DDX21: variants seen among roughly 807,000 people sequenced by gnomAD.
DDX21 encodes the protein DExD-box helicase 21, also known as nucleolar RNA helicase 2.
Under a neutral mutation model 90.0 loss-of-function variants are expected in DDX21, and 18 were observed. The ratio of observed to expected loss-of-function variants is 0.20; its 90% CI spans 0.14 to 0.30. The LOEUF is 0.30. DDX21 is among the 10% of genes least tolerant of loss of function. The pLI, the probability that DDX21 is intolerant of heterozygous loss-of-function variation, is 1.00. For synonymous variants in DDX21, 294 were observed against 318.0 expected, an observed-to-expected ratio of 0.92 and a Z score of 0.80; for missense variants, 673 against 944.5, an observed-to-expected ratio of 0.71 and a Z score of 3.77.
intron 2 of DDX21, among the ~76,000 whole-genome samples, chr10:68,961,770 T>C (rs1270658247): frequency 1.3e-5 from 2 of 152,230 alleles, no homozygotes; most frequent in Non-Finnish European, 2.9e-5. Context: ...TTGTTGATTA[T>C]GGTTATGGAG....
chr10:68,962,552 G>C (rs543972409), intron 3 of DDX21, among the ~76,000 whole-genome samples: 2 of 152,242 alleles, frequency 1.3e-5, no homozygotes, highest in South Asian at 2.1e-4. Flanking sequence ...GGAGTTCAAG[G>C]CTTCAGTGAA....
intron 12 of DDX21, among the ~76,000 whole-genome samples, chr10:68,978,386 A>G (rs1843137251): frequency 6.6e-6 from 1 of 152,222 alleles, no homozygotes; most frequent in Non-Finnish European, 1.5e-5. Flanking sequence ...ATTTTGTGGT[A>G]TGTGATTTTT....
At chr10:68,980,832 C>CAAAAAAAAAAAAA (rs11340675) in intron 13 of DDX21, among the ~76,000 whole-genome samples, 1 of 99,646 alleles carries the variant, frequency 1.0e-5, no homozygotes, top group African/African-American at 3.5e-5. Context: ...CTGTCTCTAC[C>CAAAAAAAAAAAAA]AAAAAAAAAA....
At chr10:68,975,300 A>C (rs968456288) in intron 11 of DDX21, among the ~76,000 whole-genome samples, 1 of 152,144 alleles carries the variant, frequency 6.6e-6, no homozygotes, top group Non-Finnish European at 1.5e-5. Flanking sequence ...CAGTTTGTCA[A>C]ATGGAGGTGC....
At chr10:68,967,759 T>G (rs1353324214) in intron 6 of DDX21, among the ~76,000 whole-genome samples, 1 of 152,224 alleles carries the variant, frequency 6.6e-6, no homozygotes, top group Non-Finnish European at 1.5e-5. Flanking sequence ...CATATAAAAA[T>G]TCAGCAAAAA....
intron 2 of DDX21, among the ~76,000 whole-genome samples, chr10:68,961,504 G>T (rs1436854159): frequency 6.6e-6 from 1 of 152,072 alleles, no homozygotes; most frequent in Non-Finnish European, 1.5e-5. Context: ...ATCAGATTAG[G>T]ATTGTACTGT....
chr10:68,964,003 G>C, intron 4 of DDX21: 1 of 263,648 alleles, frequency 3.8e-6, no homozygotes, highest in Admixed American at 4.8e-5. Context: ...GGGAGGCTGA[G>C]GCAGGAGAAT....
intron 9 of DDX21, 104 bp downstream of exon 9, chr10:68,972,156 C>A: frequency 7.7e-7 from 1 of 1,297,550 alleles, no homozygotes; most frequent in Non-Finnish European, 1.1e-6. Context: ...ATATAGCTAT[C>A]TTTTGAGTGC....
chr10:68,964,741 C>T (rs544927062), intron 4 of DDX21, among the ~76,000 whole-genome samples: 1 of 144,360 alleles, frequency 6.9e-6, no homozygotes. Flanking sequence ...TTAACCTCTG[C>T]CTCGCAGGTT....
At chr10:68,978,795 G>T (rs781090500) in intron 12 of DDX21, 47 bp from the exon 13 acceptor site, 145 of 1,575,174 alleles carry the variant, frequency 9.2e-5, no homozygotes, top group Non-Finnish European at 1.2e-4. Context: ...TATCAATTAG[G>T]TTTATTTTCA....
rs61755356 is a variant in DDX21 at position 68,982,702 on chromosome 10, C to T, written c.2242C>T (p.Arg748Trp). 2.4e-4 allele frequency: 388 copies of T among 1,613,800 alleles called. 1 individual carries two copies. The highest frequency in any genetic ancestry group is 3.6e-4 in the South Asian group (33 of 91,064). The change falls in exon 15 of 15, where the codon CGG becomes TGG. Residue 748 changes from arginine to tryptophan, a missense_variant. Arg to Trp is a moderately radical substitution (Grantham distance 101, BLOSUM62 -3). Transcript: ENST00000354185. ...CGGAAACAGAAGATTCAGAGGACAG[C>T]GGGAAGGCAGTAGAGGCCCGAGAGG... ...RDGNRRFRGQ[R>W]EGSRGPRGQR... is the part of the protein sequence containing the mutation.
Position 68,965,390 on chromosome 10 carries a change from C to A in DDX21, c.800C>A (p.Ala267Glu), listed in dbSNP as rs1842926556. The change falls in exon 5 of 15, where the codon GCA (alanine) becomes GAA (glutamate). Residue 267 changes from alanine to glutamate, a missense_variant. Ala to Glu is a moderately radical substitution (Grantham distance 107, BLOSUM62 -1). Transcript: ENST00000354185. ...TTTCTTTATCAGGTACTGGTTCTTG[C>A]ACCTACAAGAGAGTTGGCAAATCAA... ...RGRAPQVLVLAPTRELANQVS... is the reference protein window; with the variant it reads ...RGRAPQVLVLEPTRELANQVS... 6.2e-7 allele frequency: 1 copy of A among 1,613,400 alleles called. No individual in the cohort carries two copies. Among genetic ancestry groups the A allele is most frequent in the Non-Finnish European group, 8.5e-7 (1 of 1,179,614 alleles).
intron 8 of DDX21, among the ~76,000 whole-genome samples, chr10:68,971,028 A>T (rs970821871): frequency 7.7e-6 from 1 of 129,416 alleles, no homozygotes; most frequent in African/African-American, 3.0e-5. Flanking sequence ...AGTGAAGTGC[A>T]TTGGCGTGGT....
chr10:68,960,762 G>A (rs10998503), intron 2 of DDX21, among the ~76,000 whole-genome samples: 3,146 of 135,426 alleles, frequency 0.023, 57 homozygotes, highest in Non-Finnish European at 0.029. Context: ...TGTTCCCAGC[G>A]GACTCTGTCT....
intron 5 of DDX21, 25 bp downstream of exon 5, chr10:68,965,519 A>T (rs1396756771): frequency 2.0e-6 from 3 of 1,529,132 alleles, no homozygotes; most frequent in Non-Finnish European, 2.7e-6. Flanking sequence ...AAAGTGAGGG[A>T]GGTATAATGC....
rs541352999 is a variant in DDX21, at chr10:68,966,570, G to A, written c.905-448G>A. ...CGATTCTCCTGCCTCAGCCTCCCGA[G>A]TAGCTGGGATTACAGGCGCCCACCA... On this transcript the variant is annotated intron_variant, in intron 5 of 14. Transcript: ENST00000354185. Among the ~76,000 whole-genome samples, 20 of 152,076 alleles carry A rather than the reference G, an allele frequency of 1.3e-4. No homozygotes were observed. The South Asian group carries it at 3.9e-3, about 30-fold the overall frequency.
rs1842928938 is a variant in DDX21, at chr10:68,965,579, G to T, written c.904+85G>T. The T allele has an allele frequency of 7.0e-6, 7 of 1,004,506 alleles. No individual in the cohort carries two copies. In the South Asian group the frequency reaches 9.4e-5, roughly 14 times the overall value. 62.2% of individuals were successfully genotyped at this position (1,004,506 alleles called of 1,614,324 possible). A position where few individuals can be genotyped will look rare whatever the true frequency, so the allele number is the denominator to read the frequency against. On this transcript the variant is annotated intron_variant, in intron 5 of 14. Coordinates refer to ENST00000354185, the MANE Select transcript of DDX21 (RefSeq NM_004728.4). Reference sequence around the variant, plus strand: ...GGATTTCTTTTCACCTTGACATCTGGCTTCTCTATATAGGATAGTCGTTTA... The same window carrying T: ...GGATTTCTTTTCACCTTGACATCTGTCTTCTCTATATAGGATAGTCGTTTA...
chr10:68,958,549 G>C (rs1441357050), intron 1 of DDX21, among the ~76,000 whole-genome samples: 1 of 152,014 alleles, frequency 6.6e-6, no homozygotes, highest in Non-Finnish European at 1.5e-5. Flanking sequence ...CAGTTCTCCT[G>C]CCTCAGCCTC....
intron 4 of DDX21, among the ~76,000 whole-genome samples, chr10:68,964,614 A>T (rs1011402154): frequency 6.2e-5 from 9 of 145,640 alleles, no homozygotes; most frequent in African/African-American, 2.3e-4. Flanking sequence ...CACCCACCTC[A>T]GCCTCCCAAA....
Sources: allele counts gnomAD v4.1 joint callset (sites outside exome capture counted in the v4.1 genomes callset), GRCh38; gene constraint gnomAD v4.1.1; transcripts MANE v1.5; gene names NCBI Gene and HGNC (gene_info 2026-07-23, HGNC 2026-07-21).